The following PPP1R12C variants were observed in gnomAD, a reference collection of about 807,000 sequenced individuals.
PPP1R12C encodes leukocyte receptor cluster (LRC) encoded novel gene 3.
Under a neutral mutation model 95.6 loss-of-function variants are expected in PPP1R12C, and 48 were observed. The observed-to-expected ratio is 0.50, with a 90% confidence interval of 0.40 to 0.64. The LOEUF is 0.64. PPP1R12C is among the 30% of genes least tolerant of loss of function. PPP1R12C has a pLI of 0.00. For synonymous variants in PPP1R12C, 480 were observed against 460.8 expected, an observed-to-expected ratio of 1.04 and a Z score of -0.53; for missense variants, 1,057 against 1,083.3, an observed-to-expected ratio of 0.98 and a Z score of 0.34.
chr19:55,091,256 TC>T lies in PPP1R12C; in HGVS notation c.*215del, dbSNP rs2084835540. On this transcript the variant is annotated 3_prime_UTR_variant, in exon 22 of 22. Transcript: ENST00000263433. ...CTGGCCCTGGTCCCCTCTGGCAACG[TC>T]CCCCTGCTTGGCTCGGCCTCCCACC... The T allele has an allele frequency of 5.2e-6, 3 of 581,634 alleles. No homozygotes were observed. The highest frequency in any genetic ancestry group is 3.1e-5 in the Admixed American group (1 of 32,658). The allele number at this position is 581,634 out of a possible 1,614,324, so 36.0% of individuals were successfully genotyped here. A position where few individuals can be genotyped will look rare whatever the true frequency, so the allele number is the denominator to read the frequency against.
In PPP1R12C at chr19:55,117,597, ACCAC is replaced by A. The variant is rs1220289060; in HGVS notation, c.-58_-55del. On this transcript the variant is annotated 5_prime_UTR_variant, in exon 1 of 22. Coordinates refer to ENST00000263433, the MANE Select transcript of PPP1R12C (RefSeq NM_017607.4). ...CGAGCGCCGAGCCCCAACCGCCGCC[ACCAC>A]CCGCCCGCCCGCCCGCCCCGGGGGC... 4.3e-6 allele frequency: 4 copies of A among 931,710 alleles called. No individual in the cohort carries two copies. The highest frequency in any genetic ancestry group is 6.7e-5 in the Admixed American group (1 of 14,836). 57.7% of individuals were successfully genotyped at this position (931,710 alleles called of 1,614,324 possible).
Position 55,117,534 on chromosome 19 carries a change from C to T in PPP1R12C, c.10G>A (p.Glu4Lys). 4 of 1,008,250 alleles carry T rather than the reference C, an allele frequency of 4.0e-6. No homozygotes were observed. Among genetic ancestry groups the T allele is most frequent in the Non-Finnish European group, 3.5e-6 (3 of 847,500 alleles). 62.5% of individuals were successfully genotyped at this position (1,008,250 alleles called of 1,614,324 possible). The change falls in exon 1 of 22, where the codon GAG becomes AAG. Residue 4 changes from glutamate to lysine, a missense_variant. Physicochemically the swap from Glu to Lys is moderately conservative, Grantham distance 56. Around this residue, in one of 5 missense-constraint regions of PPP1R12C, gnomAD observed 70 missense variants for 47.8 expected, o/e 1.46. Coordinates refer to ENST00000263433, the MANE Select transcript of PPP1R12C (RefSeq NM_017607.4). MSG[E>K]DGPAAGPGAA... Reference sequence around the variant, plus strand: ...CCCGGGCCAGCCGCCGGGCCATCCTCTCCGGACATCGCACCGCCCGCCCGC... The same window carrying T: ...CCCGGGCCAGCCGCCGGGCCATCCTTTCCGGACATCGCACCGCCCGCCCGC...
rs1603015672 is a variant in PPP1R12C, at chr19:55,117,626, C to G, written c.-83G>C. 1 of 784,570 alleles carries G rather than the reference C, an allele frequency of 1.3e-6. No individual in the cohort carries two copies. Among genetic ancestry groups the G allele is most frequent in the Non-Finnish European group, 1.5e-6 (1 of 684,670 alleles). 48.6% of individuals were successfully genotyped at this position (784,570 alleles called of 1,614,324 possible). A position where few individuals can be genotyped will look rare whatever the true frequency, so the allele number is the denominator to read the frequency against. On this transcript the variant is annotated 5_prime_UTR_variant, in exon 1 of 22. Coordinates refer to ENST00000263433, the MANE Select transcript of PPP1R12C (RefSeq NM_017607.4). Reference sequence around the variant, plus strand: ...CCCGCCCGCCCGCCCGCCCCGGGGGCCGCCGGGAACTGCCGCTGGCCCCCC... The same window carrying G: ...CCCGCCCGCCCGCCCGCCCCGGGGGGCGCCGGGAACTGCCGCTGGCCCCCC...
chr19:55,112,896 G>A, intron 1 of PPP1R12C, 101 bp from the exon 2 acceptor site: 14 of 1,489,250 alleles, frequency 9.4e-6, no homozygotes, highest in Non-Finnish European at 1.3e-5. Context: ...CAGGGACACG[G>A]TGCTAGGACA....
intron 19 of PPP1R12C, 146 bp from the exon 20 acceptor site, chr19:55,092,055 C>T (rs1163019163): frequency 2.0e-5 from 24 of 1,196,974 alleles, no homozygotes; most frequent in Non-Finnish European, 2.4e-5. Flanking sequence ...CCGGCAGGCC[C>T]ACAGCCCCAT....
intron 3 of PPP1R12C, among the ~76,000 whole-genome samples, chr19:55,105,355 T>C (rs2085026931): frequency 6.6e-6 from 1 of 152,200 alleles, no homozygotes; most frequent in Non-Finnish European, 1.5e-5. Context: ...CTGCTGCACA[T>C]CCTTCTGCAA....
chr19:55,095,891 C>T lies in PPP1R12C; in HGVS notation c.1203G>A (p.Pro401=), dbSNP rs376962430. Residue 401 remains proline, a synonymous_variant, in exon 9 of 22, where the codon CCG becomes CCA. Transcript: ENST00000263433. ...CCACGGGACTCTTAGGGCTGGGGTG[C>T]GGCGGGGAGGAGACGCCATTGAGGG... ...PRTLNGVSSP[P]HPSPKSPVQL... is the part of the protein sequence containing the mutation. 109 of 1,613,518 alleles carry T rather than the reference C, an allele frequency of 6.8e-5. 2 individuals carry two copies. In the South Asian group the frequency reaches 1.0e-3, roughly 15 times the overall value.
chr19:55,113,344 A>G, intron 1 of PPP1R12C: 1 of 1,326,082 alleles, frequency 7.5e-7, no homozygotes, highest in South Asian at 1.6e-5. Context: ...GCTGGGACAG[A>G]CTCAGGGGCC....
Position 55,091,540 on chromosome 19 carries a change from C to T in PPP1R12C, c.2281G>A (p.Ala761Thr), listed in dbSNP as rs752182487. ...TCATCCTTGAGGCGCTGGTTGTCAGCGCGGAGGTCAGACAGGGCCTGGGGG... is the reference window on the plus strand; with the variant it reads ...TCATCCTTGAGGCGCTGGTTGTCAGTGCGGAGGTCAGACAGGGCCTGGGGG... Reference protein sequence around the residue: ...EELKALSDLRADNQRLKDENA... With the variant: ...EELKALSDLRTDNQRLKDENA... The change falls in exon 22 of 22, where the codon GCT becomes ACT. Residue 761 changes from alanine (A) to threonine (T), a missense_variant. Ala to Thr is a moderately conservative substitution (Grantham distance 58, BLOSUM62 0). Around this residue, in one of 5 missense-constraint regions of PPP1R12C, gnomAD observed 347 missense variants for 307.9 expected, o/e 1.13. Coordinates refer to ENST00000263433, the MANE Select transcript of PPP1R12C (RefSeq NM_017607.4). 4.6e-5 allele frequency: 74 copies of T among 1,613,676 alleles called. No homozygotes were observed. The Middle Eastern group carries it at 4.9e-4, about 11-fold the overall frequency.
At chr19:55,096,546 C>G (rs899283142) in intron 6 of PPP1R12C, among the ~76,000 whole-genome samples, 17 of 152,044 alleles carry the variant, frequency 1.1e-4, no homozygotes, top group Non-Finnish European at 2.2e-4. Context: ...CAGGCACTGC[C>G]GTCTTGTCCT....
In PPP1R12C at chr19:55,112,798, G is replaced by T. The variant is rs769761678; in HGVS notation, c.322-3C>A. 1 of 1,612,246 alleles carries T rather than the reference G, an allele frequency of 6.2e-7. No homozygotes were observed. ...TCCAGGTTCTCATCAATGCAGGCCTGGGGGTGGGAAACAGCCGTCAGCCGC... is the reference window on the plus strand; with the variant it reads ...TCCAGGTTCTCATCAATGCAGGCCTTGGGGTGGGAAACAGCCGTCAGCCGC... On this transcript the variant is annotated splice_polypyrimidine_tract_variant and splice_region_variant and intron_variant, in intron 1 of 21. Transcript: ENST00000263433.
chr19:55,112,717 C>T lies in PPP1R12C; in HGVS notation c.400G>A (p.Gly134Ser). Residue 134 changes from glycine (G) to serine (S), a missense_variant, in exon 2 of 22, where the codon GGC becomes AGC. By Grantham distance (56) the Gly-to-Ser change is moderately conservative (BLOSUM62 0). This residue lies in a region of PPP1R12C where 282 missense variants were observed against 380.4 expected (regional missense o/e 0.74). Transcript: ENST00000263433. ...GCGGCCACGTGCAGTGGCGTCCAGC[C>T]CTCGTTGTCTGCCTGGTTCACAGTG... ...GATVNQADNEGWTPLHVAASC... is the reference protein window; with the variant it reads ...GATVNQADNESWTPLHVAASC... 6.2e-7 allele frequency: 1 copy of T among 1,613,928 alleles called. No homozygotes were observed. Among genetic ancestry groups the T allele is most frequent in the Non-Finnish European group, 8.5e-7 (1 of 1,179,996 alleles).
chr19:55,091,235 C>T lies in PPP1R12C; in HGVS notation c.*237G>A. On this transcript the variant is annotated 3_prime_UTR_variant, in exon 22 of 22. Transcript: ENST00000263433. ...AGTTCCTTCCTGGTCCCGTCTCTGG[C>T]CCTGGTCCCCTCTGGCAACGTCCCC... 1.7e-6 allele frequency: 1 copy of T among 574,240 alleles called. No individual in the cohort carries two copies. Among genetic ancestry groups the T allele is most frequent in the Non-Finnish European group, 3.1e-6 (1 of 320,606 alleles). 35.6% of individuals were successfully genotyped at this position (574,240 alleles called of 1,614,324 possible). A position where few individuals can be genotyped will look rare whatever the true frequency, so the allele number is the denominator to read the frequency against.
At chr19:55,096,424 T>G in intron 6 of PPP1R12C, 89 bp from the exon 7 acceptor site, 2 of 1,467,012 alleles carry the variant, frequency 1.4e-6, no homozygotes, top group Non-Finnish European at 9.5e-7. Context: ...AGGAGCTCAC[T>G]GCCCAGGCGG....
intron 3 of PPP1R12C, among the ~76,000 whole-genome samples, chr19:55,105,460 G>A (rs2085028145): frequency 6.7e-6 from 1 of 149,760 alleles, no homozygotes; most frequent in Admixed American, 6.6e-5. Flanking sequence ...TGTGGGTGTT[G>A]ACCACCTGTT....
chr19:55,092,308 T>C lies in PPP1R12C; in HGVS notation c.2074A>G (p.Arg692Gly). 6.3e-7 allele frequency: 1 copy of C among 1,599,018 alleles called. No individual in the cohort carries two copies. Among genetic ancestry groups the C allele is most frequent in the Non-Finnish European group, 8.5e-7 (1 of 1,172,962 alleles). Residue 692 changes from arginine to glycine, a missense_variant, in exon 19 of 22, where the codon AGG (arginine) becomes GGG (glycine). Transcript: ENST00000263433. Reference protein sequence around the residue: ...GFRTLYAELRRENERLREALT... With the variant: ...GFRTLYAELRGENERLREALT... ...GCCTCGCGAAGCCGCTCGTTCTCCC[T>C]GCGCAGCTCTGCATACAGCTGGGGG...
intron 4 of PPP1R12C, among the ~76,000 whole-genome samples, chr19:55,099,960 C>A (rs977540563): frequency 6.6e-6 from 1 of 152,166 alleles, no homozygotes; most frequent in African/African-American, 2.4e-5. Flanking sequence ...TACAAAGAGG[C>A]CTTATAAGCA....
chr19:55,103,160 C>T (rs1244508490), intron 4 of PPP1R12C, among the ~76,000 whole-genome samples: 8 of 152,112 alleles, frequency 5.3e-5, no homozygotes, highest in Non-Finnish European at 1.0e-4. Flanking sequence ...TGCCACTGCA[C>T]TCCAGCCTGG....
chr19:55,117,613 CCCGCCCCGGGGG>C lies in PPP1R12C; in HGVS notation c.-82_-71del. The C allele has an allele frequency of 1.1e-6, 1 of 936,716 alleles. No homozygotes were observed. The highest frequency in any genetic ancestry group is 1.3e-6 in the Non-Finnish European group (1 of 787,924). The allele number at this position is 936,716 out of a possible 1,614,324, so 58.0% of individuals were successfully genotyped here. ...ACCGCCGCCACCACCCGCCCGCCCG[CCCGCCCCGGGGG>C]CCGCCGGGAACTGCCGCTGGCCCCC... is the stretch of plus-strand genomic sequence containing the variant. On this transcript the variant is annotated 5_prime_UTR_variant, in exon 1 of 22. Coordinates refer to ENST00000263433, the MANE Select transcript of PPP1R12C (RefSeq NM_017607.4).
Sources: allele counts gnomAD v4.1 joint callset (sites outside exome capture counted in the v4.1 genomes callset), GRCh38; gene constraint gnomAD v4.1.1; regional missense constraint gnomAD v4.1.1; transcripts MANE v1.5; gene names NCBI Gene and HGNC (gene_info 2026-07-23, HGNC 2026-07-21).